BCAS4: variants seen among roughly 807,000 people sequenced by gnomAD.
The protein encoded by BCAS4 is breast carcinoma-amplified sequence 4.
A neutral mutation model predicts 15.7 loss-of-function variants in BCAS4; 9 were observed. That is an observed-to-expected ratio of 0.57 (90% CI 0.34 to 1.00). The LOEUF is 1.00. Ranked by LOEUF, BCAS4 falls within the 50% of genes least tolerant of loss-of-function variation. The pLI is 0.02. For missense variants in BCAS4, 225 were observed against 239.1 expected, an observed-to-expected ratio of 0.94 and a Z score of 0.39; for synonymous variants, 101 against 99.5, an observed-to-expected ratio of 1.02 and a Z score of -0.09.
rs142667677 is a variant in BCAS4, at chr20:50,852,683, A to T, written c.399+10783A>T. Among the ~76,000 whole-genome samples, 4 of 152,358 alleles carry T rather than the reference A, an allele frequency of 2.6e-5. No individual in the cohort carries two copies. The East Asian group carries it at 7.7e-4, about 29-fold the overall frequency. On this transcript the variant is annotated intron_variant, in intron 4 of 4. Coordinates refer to ENST00000371608, the MANE Select transcript of BCAS4 (RefSeq NM_198799.4). The stretch of plus-strand genomic sequence containing the variant: ...AGGTGTGAACCACTGCACCCGGCCG[A>T]GGCCTTGCACATTTTAAAAGAGCGG...
intron 4 of BCAS4, among the ~76,000 whole-genome samples, chr20:50,860,439 G>A (rs1979010518): frequency 6.6e-6 from 1 of 152,098 alleles, no homozygotes; most frequent in African/African-American, 2.4e-5. Context: ...CCAACCCCTG[G>A]CTACCACTCA....
chr20:50,838,987 G>A (rs889182245), intron 3 of BCAS4, among the ~76,000 whole-genome samples: 1 of 152,172 alleles, frequency 6.6e-6, no homozygotes, highest in South Asian at 2.1e-4. Context: ...AGGAACCAAA[G>A]GGAAGCACGT....
At chr20:50,863,549 C>T (rs1486918886) in intron 4 of BCAS4, among the ~76,000 whole-genome samples, 3 of 152,178 alleles carry the variant, frequency 2.0e-5, no homozygotes, top group African/African-American at 7.2e-5. Flanking sequence ...TGAGACATCA[C>T]ACCCGGCCTA....
chr20:50,796,483 ATATATTTTTTTTTT>A (rs1437985886), intron 1 of BCAS4, among the ~76,000 whole-genome samples: 7 of 10,600 alleles, frequency 6.6e-4, no homozygotes, highest in African/African-American at 1.2e-3. Flanking sequence ...ATATATATAT[ATATATTTTTTTTTT>A]TTTTTTTTTT....
chr20:50,825,783 A>G (rs1487551006), intron 2 of BCAS4, among the ~76,000 whole-genome samples: 1 of 152,192 alleles, frequency 6.6e-6, no homozygotes, highest in Non-Finnish European at 1.5e-5. Context: ...AGGCTGAGGC[A>G]AGAGAATCAC....
chr20:50,809,792 T>C (rs991869488), intron 1 of BCAS4, among the ~76,000 whole-genome samples: 1 of 152,178 alleles, frequency 6.6e-6, no homozygotes, highest in Non-Finnish European at 1.5e-5. Context: ...CATCAGTGTT[T>C]TGTAGTTTTC....
intron 4 of BCAS4, among the ~76,000 whole-genome samples, chr20:50,875,124 A>G (rs115550416): frequency 0.023 from 3,517 of 152,290 alleles, 123 homozygotes; most frequent in African/African-American, 0.076. Context: ...TCCCACACCC[A>G]GGCCACGCCC....
Position 50,841,910 on chromosome 20 carries a change from C to G in BCAS4, c.399+10C>G, listed in dbSNP as rs771151453. 4 of 1,561,548 alleles carry G rather than the reference C, an allele frequency of 2.6e-6. No homozygotes were observed. Among genetic ancestry groups the G allele is most frequent in the Non-Finnish European group, 2.6e-6 (3 of 1,152,618 alleles). ...CCCCTCCTTCAGGAACGTGAGTATC[C>G]TGCCCCGAGAAGTGAGGGGAGGGCC... On this transcript the variant is annotated intron_variant, in intron 4 of 4. Coordinates refer to ENST00000371608, the MANE Select transcript of BCAS4 (RefSeq NM_198799.4).
At chr20:50,856,099 G>A (rs559177454) in intron 4 of BCAS4, among the ~76,000 whole-genome samples, 4 of 152,324 alleles carry the variant, frequency 2.6e-5, no homozygotes, top group South Asian at 2.1e-4. Flanking sequence ...GGTTGGGCCC[G>A]GCAGGGGATG....
intron 4 of BCAS4, among the ~76,000 whole-genome samples, chr20:50,853,137 T>C (rs1978532739): frequency 6.7e-6 from 1 of 149,066 alleles, no homozygotes; most frequent in South Asian, 2.1e-4. Context: ...ACATCCCCTT[T>C]CATTTTTTTT....
intron 4 of BCAS4, among the ~76,000 whole-genome samples, chr20:50,842,656 G>A (rs1266103834): frequency 6.6e-6 from 1 of 152,228 alleles, no homozygotes; most frequent in African/African-American, 2.4e-5. Flanking sequence ...GACCTCAGGT[G>A]ATCCACCTGC....
intron 2 of BCAS4, among the ~76,000 whole-genome samples, chr20:50,820,367 G>T (rs952566232): frequency 6.6e-6 from 1 of 152,172 alleles, no homozygotes; most frequent in Non-Finnish European, 1.5e-5. Flanking sequence ...AATTGGGAAG[G>T]CTTCGTATAA....
In BCAS4 at chr20:50,840,786, C is replaced by T. The variant is rs567523612; in HGVS notation, c.265-980C>T. 29 of 1,473,212 alleles carry T rather than the reference C, an allele frequency of 2.0e-5. No homozygotes were observed. In the Middle Eastern group the frequency reaches 1.4e-3, roughly 73 times the overall value. 91.3% of individuals were successfully genotyped at this position (1,473,212 alleles called of 1,614,324 possible). On this transcript the variant is annotated intron_variant, in intron 3 of 4. Transcript: ENST00000371608. ...AGAAGCGGAGCGAGGCACGCGAGAA[C>T]GAGCGAAGTCTGGTCTGCGTAGTGG...
chr20:50,835,020 C>T lies in BCAS4; in HGVS notation c.264+4640C>T, dbSNP rs147769853. ...TAAACAATGCTGCTATGAACGTTTG[C>T]GTACAAGTTTTTGTGTAACATATGT... On this transcript the variant is annotated intron_variant, in intron 3 of 4. Transcript: ENST00000371608. Among the ~76,000 whole-genome samples the T allele has an allele frequency of 1.9e-3, 288 of 152,240 alleles. 2 individuals are homozygous for T. Among genetic ancestry groups the T allele is most frequent in the African/African-American group, 6.8e-3 (283 of 41,546 alleles).
At chr20:50,812,029 G>A (rs1362721976) in intron 1 of BCAS4, among the ~76,000 whole-genome samples, 1 of 152,180 alleles carries the variant, frequency 6.6e-6, no homozygotes, top group African/African-American at 2.4e-5. Flanking sequence ...GTGTGTGCTG[G>A]TGCTCCATTA....
At chr20:50,849,094 A>G (rs1011674636) in intron 4 of BCAS4, among the ~76,000 whole-genome samples, 1 of 152,236 alleles carries the variant, frequency 6.6e-6, no homozygotes, top group Non-Finnish European at 1.5e-5. Flanking sequence ...CTTCCTGCTG[A>G]CCATGCCAGG....
intron 4 of BCAS4, among the ~76,000 whole-genome samples, chr20:50,864,754 C>T (rs1346080927): frequency 6.6e-6 from 1 of 152,040 alleles, no homozygotes; most frequent in Non-Finnish European, 1.5e-5. Flanking sequence ...GTGTTATTCC[C>T]CCGGCACTTT....
chr20:50,816,543 TG>T lies in BCAS4; in HGVS notation c.91-1667del, dbSNP rs1287146879. 3.3e-5 allele frequency among the ~76,000 whole-genome samples: 5 copies of T among 152,328 alleles called. No homozygotes were observed. In the East Asian group the frequency reaches 9.6e-4, roughly 29 times the overall value. On this transcript the variant is annotated intron_variant, in intron 1 of 4. Transcript: ENST00000371608. ...CTGGCAGCTCCGGGCCTGCATTTCC[TG>T]ATGGCAGCTAGTGGCCAGCAGCTGG...
intron 1 of BCAS4, among the ~76,000 whole-genome samples, chr20:50,799,964 C>T (rs891948278): frequency 1.8e-4 from 27 of 152,174 alleles, no homozygotes; most frequent in African/African-American, 6.3e-4. Flanking sequence ...GGAAGATCAC[C>T]TGGGCTCTGG....
Sources: allele counts gnomAD v4.1 joint callset (sites outside exome capture counted in the v4.1 genomes callset), GRCh38; gene constraint gnomAD v4.1.1; transcripts MANE v1.5; gene names NCBI Gene and HGNC (gene_info 2026-07-23, HGNC 2026-07-21).